ESCO1: variants seen among roughly 807,000 people sequenced by gnomAD.
ESCO1 encodes establishment of sister chromatid cohesion N-acetyltransferase 1.
In ESCO1, 33 loss-of-function variants were observed where a neutral mutation model predicts 83.5. The ratio of observed to expected loss-of-function variants is 0.40; its 90% CI spans 0.30 to 0.53. ESCO1 has a LOEUF of 0.53. Among genes scored for constraint, ESCO1 ranks in the 20% least tolerant of loss-of-function variants. ESCO1 has a pLI of 0.63. For missense variants in ESCO1, 855 were observed against 968.0 expected, an observed-to-expected ratio of 0.88 and a Z score of 1.55; for synonymous variants, 332 against 324.3, an observed-to-expected ratio of 1.02 and a Z score of -0.25.
At position 21,573,442 on chromosome 18, in the gene ESCO1, T is replaced by C. The variant is rs570227372; in HGVS notation, c.1402A>G (p.Ile468Val). The change falls in exon 4 of 12, where the codon ATT becomes GTT. Residue 468 changes from isoleucine to valine, a missense_variant. Transcript: ENST00000269214. ...GTGGTTTTATTAATTTCTACTGTAA[T>C]ATCATTAATTTTCACTTCTTCAGAA... ...INSEEVKIND[I>V]TVEINKTTER... The C allele has an allele frequency of 6.2e-7, 1 of 1,612,182 alleles. No individual in the cohort carries two copies. The highest frequency in any genetic ancestry group is 1.1e-5 in the South Asian group (1 of 90,364).
chr18:21,578,132 C>A (rs932387785), intron 2 of ESCO1, among the ~76,000 whole-genome samples: 5 of 152,080 alleles, frequency 3.3e-5, no homozygotes. Context: ...TCACTTTTAA[C>A]CATAAGCAGT....
chr18:21,540,031 T>TAC (rs758702927), intron 8 of ESCO1, 22 bp from the exon 9 acceptor site: 189 of 596,626 alleles, frequency 3.2e-4, no homozygotes, highest in Non-Finnish European at 4.3e-4. Flanking sequence ...TATATATATA[T>TAC]ACACACATAT....
intron 7 of ESCO1, 76 bp from the exon 8 acceptor site, chr18:21,561,066 G>T: frequency 2.2e-6 from 3 of 1,392,130 alleles, no homozygotes; most frequent in Non-Finnish European, 2.9e-6. Flanking sequence ...TAAGGCTATA[G>T]TGTGAGCATA....
intron 1 of ESCO1, among the ~76,000 whole-genome samples, chr18:21,597,386 C>G (rs1048016197): frequency 6.6e-6 from 1 of 151,634 alleles, no homozygotes; most frequent in African/African-American, 2.4e-5. Flanking sequence ...ATATATTAAG[C>G]TGGGTATGCA....
intron 1 of ESCO1, among the ~76,000 whole-genome samples, chr18:21,588,577 T>A (rs1041472481): frequency 6.6e-6 from 1 of 152,134 alleles, no homozygotes; most frequent in African/African-American, 2.4e-5. Context: ...GCACAGATTA[T>A]ACAATATGTA....
At chr18:21,600,004 G>T (rs1202518102) in intron 1 of ESCO1, among the ~76,000 whole-genome samples, 1 of 152,152 alleles carries the variant, frequency 6.6e-6, no homozygotes, top group Non-Finnish European at 1.5e-5. Flanking sequence ...CCTGTGCCGA[G>T]ACCCCCATTT....
intron 10 of ESCO1, 35 bp downstream of exon 10, chr18:21,536,007 A>G: frequency 1.9e-6 from 3 of 1,603,472 alleles, no homozygotes. Flanking sequence ...CTCATTAAAC[A>G]CCAAATTACT....
chr18:21,564,774 C>T (rs1253100851), intron 6 of ESCO1, among the ~76,000 whole-genome samples: 1 of 151,918 alleles, frequency 6.6e-6, no homozygotes, highest in Non-Finnish European at 1.5e-5. Flanking sequence ...AATCAAGGAG[C>T]AGGCCTGGCA....
intron 1 of ESCO1, among the ~76,000 whole-genome samples, chr18:21,598,492 G>C (rs1317053544): frequency 6.6e-6 from 1 of 151,892 alleles, no homozygotes; most frequent in Non-Finnish European, 1.5e-5. Flanking sequence ...CTGAGGTCAG[G>C]AGTTCAAGAC....
At chr18:21,530,536 TAAAAAA>T (rs559851098) in intron 11 of ESCO1, 46 bp from the exon 12 acceptor site, 1 of 936,822 alleles carries the variant, frequency 1.1e-6, no homozygotes, top group Non-Finnish European at 1.4e-6. Flanking sequence ...TGTGAAATGT[TAAAAAA>T]AAAAAAATTC....
chr18:21,579,074 C>T (rs1046712370), intron 2 of ESCO1, among the ~76,000 whole-genome samples: 4 of 152,196 alleles, frequency 2.6e-5, no homozygotes, highest in East Asian at 3.9e-4. Flanking sequence ...GTTGGCCAGG[C>T]GGGTCCCGAA....
At chr18:21,569,051 C>T (rs530991584) in intron 4 of ESCO1, among the ~76,000 whole-genome samples, 1 of 152,216 alleles carries the variant, frequency 6.6e-6, no homozygotes, top group South Asian at 2.1e-4. Flanking sequence ...TCCAGAATAC[C>T]TTTCCCCCTA....
rs2038177852 is a variant in ESCO1 at position 21,560,975 on chromosome 18, T to C, written c.1837A>G (p.Arg613Gly). The stretch of plus-strand genomic sequence containing the variant: ...ACATTACAAGAAACTGCTCCAAATC[T>C]TTTTTGTCCTGCATCCTATTTACAA... ...KQLIIDAGQK[R>G]FGAVSCNVCG... Residue 613 changes from arginine (R) to glycine (G), a missense_variant, in exon 8 of 12, where the codon AGA becomes GGA. Physicochemically the swap from Arg to Gly is moderately radical, Grantham distance 125. Around this residue, in one of 2 missense-constraint regions of ESCO1, gnomAD observed 726 missense variants for 699.5 expected, o/e 1.04. Transcript: ENST00000269214. 1 of 1,588,654 alleles carries C rather than the reference T, an allele frequency of 6.3e-7. No homozygotes were observed. The highest frequency in any genetic ancestry group is 8.5e-7 in the Non-Finnish European group (1 of 1,171,324).
chr18:21,543,639 C>T (rs2146177940), intron 8 of ESCO1, among the ~76,000 whole-genome samples: 1 of 151,568 alleles, frequency 6.6e-6, no homozygotes, highest in African/African-American at 2.4e-5. Flanking sequence ...AATACCCCGA[C>T]TTTAAAAGTT....
chr18:21,584,971 C>A (rs56092006), intron 1 of ESCO1, among the ~76,000 whole-genome samples: 1 of 152,094 alleles, frequency 6.6e-6, no homozygotes, highest in East Asian at 1.9e-4. Context: ...GAAGCCCCGT[C>A]TCTACTAAAA....
chr18:21,571,023 CT>C (rs1259146177), intron 4 of ESCO1, among the ~76,000 whole-genome samples: 1 of 151,494 alleles, frequency 6.6e-6, no homozygotes, highest in Non-Finnish European at 1.5e-5. Flanking sequence ...TGTAATGTAC[CT>C]TTTGTAACTT....
Position 21,550,783 on chromosome 18 carries a change from G to A in ESCO1, c.1953+10076C>T, listed in dbSNP as rs377587110. On this transcript the variant is annotated intron_variant, in intron 8 of 11. Transcript: ENST00000269214. ...ATAAAGGAGGTCACAAAAGATCACT[G>A]TAACTGTTGTAATAAGAAAACACCC... Among the ~76,000 whole-genome samples the A allele has an allele frequency of 1.6e-4, 25 of 152,302 alleles. No homozygotes were observed. The Middle Eastern group carries it at 0.024, about 145-fold the overall frequency.
intron 2 of ESCO1, among the ~76,000 whole-genome samples, chr18:21,577,184 A>C (rs541878053): frequency 1.3e-5 from 2 of 151,092 alleles, no homozygotes; most frequent in South Asian, 4.2e-4. Context: ...GTGAAACCCT[A>C]TCTCTACTAA....
At chr18:21,540,557 A>C (rs1037727165) in intron 8 of ESCO1, 2 of 1,304,096 alleles carry the variant, frequency 1.5e-6, no homozygotes, top group Non-Finnish European at 2.0e-6. Context: ...CAAGAAGGAG[A>C]CTATAAAAAA....
Sources: gnomAD v4.1 joint callset for allele counts (sites outside exome capture counted in the v4.1 genomes callset) on GRCh38, gnomAD v4.1.1 for gene constraint, gnomAD v4.1.1 regional missense constraint, MANE v1.5 for transcripts, NCBI Gene and HGNC (gene_info 2026-07-23, HGNC 2026-07-21) for gene names.